The following ZNF831 variants were observed in gnomAD, a reference collection of about 807,000 sequenced individuals.
The protein encoded by ZNF831 is zinc finger protein 831.
A neutral mutation model predicts 95.8 loss-of-function variants in ZNF831; 59 were observed. That is an observed-to-expected ratio of 0.62 (90% CI 0.50 to 0.77). ZNF831 has a LOEUF of 0.77. Ranked by LOEUF, ZNF831 falls within the 30% of genes least tolerant of loss-of-function variation. The pLI is 0.00. For synonymous variants in ZNF831, 961 were observed against 925.5 expected, an observed-to-expected ratio of 1.04 and a Z score of -0.70; for missense variants, 2,205 against 2,164.0, an observed-to-expected ratio of 1.02 and a Z score of -0.38.
chr20:59,201,274 G>T (rs912877669), intron 3 of ZNF831, among the ~76,000 whole-genome samples: 3 of 152,112 alleles, frequency 2.0e-5, no homozygotes, highest in Admixed American at 1.3e-4. Context: ...TTTAGCATTT[G>T]TATATCTTCT....
intron 1 of ZNF831, among the ~76,000 whole-genome samples, chr20:59,129,054 G>A (rs1327279504): frequency 6.6e-6 from 1 of 152,164 alleles, no homozygotes; most frequent in East Asian, 1.9e-4. Flanking sequence ...ATGAGCCACC[G>A]TGCCTGGCCT....
At chr20:59,234,438 C>T (rs1986893723) in intron 4 of ZNF831, among the ~76,000 whole-genome samples, 1 of 152,158 alleles carries the variant, frequency 6.6e-6, no homozygotes, top group Non-Finnish European at 1.5e-5. Context: ...GATAGTTTGT[C>T]CTGACAGTAC....
At chr20:59,223,793 C>A (rs1320827031) in intron 4 of ZNF831, among the ~76,000 whole-genome samples, 5 of 152,218 alleles carry the variant, frequency 3.3e-5, no homozygotes, top group Admixed American at 3.3e-4. Context: ...TAAATAAAAT[C>A]TCTCAATTTT....
chr20:59,205,838 AT>A (rs1171193585), intron 3 of ZNF831, among the ~76,000 whole-genome samples: 3 of 152,178 alleles, frequency 2.0e-5, no homozygotes, highest in African/African-American at 7.2e-5. Context: ...TGCCTATATA[AT>A]GGGGGTGCTA....
intron 2 of ZNF831, among the ~76,000 whole-genome samples, chr20:59,156,033 G>A (rs1052843989): frequency 1.3e-5 from 2 of 152,076 alleles, no homozygotes; most frequent in Non-Finnish European, 2.9e-5. Flanking sequence ...ACCGAAGACT[G>A]AAATTCCCAG....
chr20:59,149,985 C>T (rs1371923512), intron 2 of ZNF831, among the ~76,000 whole-genome samples: 1 of 152,230 alleles, frequency 6.6e-6, no homozygotes, highest in African/African-American at 2.4e-5. Flanking sequence ...CCCGCCTTTT[C>T]CTCTGTGACC....
In ZNF831 at chr20:59,254,384, C is replaced by T. The variant is rs1232795758; in HGVS notation, c.4675C>T (p.Leu1559=). The T allele has an allele frequency of 1.2e-6, 2 of 1,614,176 alleles. No homozygotes were observed. Among genetic ancestry groups the T allele is most frequent in the Admixed American group, 1.7e-5 (1 of 60,016 alleles). The change falls in exon 6 of 6, where the codon CTG becomes TTG. Residue 1559 remains leucine (L), a synonymous_variant. Transcript: ENST00000371030. This position sits in a 1 kb window ranked among gnomAD's most constrained non-coding sequence, Gnocchi z 4.5. ...ACAAAGAATTTCAGATTCGGTTCCA[C>T]TGGAGTCAACTGAAAAAACTCATCT... ...SGQRISDSVP[L]ESTEKTHLEI... is the part of the protein sequence containing the mutation.
At chr20:59,214,551 C>T (rs943681641) in intron 4 of ZNF831, among the ~76,000 whole-genome samples, 1 of 152,200 alleles carries the variant, frequency 6.6e-6, no homozygotes, top group Non-Finnish European at 1.5e-5. Context: ...AAATTCACAG[C>T]AAATCATGTC....
At position 59,142,249 on chromosome 20, in the gene ZNF831, A is replaced by C. The variant is rs560518013; in HGVS notation, c.-1424-3982A>C. ...AGAGCCATGAAGGAGTGAGGCATGAAGGAATCAGTAGACTCCCATGGAAAG... is the reference window on the plus strand; with the variant it reads ...AGAGCCATGAAGGAGTGAGGCATGACGGAATCAGTAGACTCCCATGGAAAG... On this transcript the variant is annotated intron_variant, in intron 1 of 7. Coordinates refer to the ZNF831 transcript ENST00000637017. Among the ~76,000 whole-genome samples, 5 of 152,310 alleles carry C rather than the reference A, an allele frequency of 3.3e-5. No individual in the cohort carries two copies. The South Asian group carries it at 1.0e-3, about 32-fold the overall frequency.
chr20:59,174,733 CA>C (rs141046099), intron 1 of ZNF831, among the ~76,000 whole-genome samples: 16,967 of 150,698 alleles, frequency 0.11, 1,020 homozygotes, highest in African/African-American at 0.12. Flanking sequence ...GTCTCAAAAA[CA>C]AAAAAAACAA....
intron 1 of ZNF831, among the ~76,000 whole-genome samples, chr20:59,177,935 G>A (rs1424316903): frequency 1.3e-5 from 2 of 152,212 alleles, no homozygotes; most frequent in African/African-American, 4.8e-5. Context: ...GTGTGAAGAA[G>A]CGAGGCTGTT....
intron 1 of ZNF831, among the ~76,000 whole-genome samples, chr20:59,125,412 G>T (rs1332284748): frequency 1.3e-5 from 2 of 152,174 alleles, no homozygotes; most frequent in Non-Finnish European, 2.9e-5. Flanking sequence ...TCAGCATGGG[G>T]AGCTTGTGGG....
At chr20:59,229,251 T>C (rs1323185321) in intron 4 of ZNF831, among the ~76,000 whole-genome samples, 1 of 152,092 alleles carries the variant, frequency 6.6e-6, no homozygotes, top group Non-Finnish European at 1.5e-5. Context: ...CTGTTGTGAA[T>C]AGCGTGGCAG....
intron 1 of ZNF831, among the ~76,000 whole-genome samples, chr20:59,188,435 G>A (rs1983235839): frequency 6.6e-6 from 1 of 152,038 alleles, no homozygotes; most frequent in Non-Finnish European, 1.5e-5. Flanking sequence ...CTTTTTATGT[G>A]CTTTTTGGGC....
chr20:59,251,316 C>G (rs1206050621), intron 4 of ZNF831, among the ~76,000 whole-genome samples: 1 of 152,082 alleles, frequency 6.6e-6, no homozygotes, highest in Non-Finnish European at 1.5e-5. Context: ...CTCGGGGATT[C>G]CAGAGAACGA....
chr20:59,219,876 G>A (rs538817850), intron 4 of ZNF831, among the ~76,000 whole-genome samples: 1 of 152,302 alleles, frequency 6.6e-6, no homozygotes, highest in East Asian at 1.9e-4. Context: ...AAGGTGGGAA[G>A]GCAACAATAG....
rs1432206240 is a variant in ZNF831, at chr20:59,205,340, C to T, written c.3876-1565C>T. Among the ~76,000 whole-genome samples, 7 of 152,166 alleles carry T rather than the reference C, an allele frequency of 4.6e-5. No individual in the cohort carries two copies. The South Asian group carries it at 6.2e-4, about 14-fold the overall frequency. ...CTGGCTCAGATAGCTCTTTCAGGAA[C>T]CTGTGTTCTTGACAACTGCTTCAAA... On this transcript the variant is annotated intron_variant, in intron 3 of 5. Transcript: ENST00000371030.
At chr20:59,158,139 G>A (rs1453096603) in intron 2 of ZNF831, among the ~76,000 whole-genome samples, 1 of 152,202 alleles carries the variant, frequency 6.6e-6, no homozygotes, top group Non-Finnish European at 1.5e-5. Context: ...CTCTGGCTTT[G>A]CTTCTGTTCC....
Position 59,194,534 on chromosome 20 carries a change from A to C in ZNF831, c.3515A>C (p.Asn1172Thr), listed in dbSNP as rs1244110955. ...HSTRSPHSTQ[N>T]PFPSLKAEPR... Reference sequence around the variant, plus strand: ...ACCCGCAGTCCCCACAGCACCCAAAACCCCTTTCCCTCACTGAAGGCTGAG... The same window carrying C: ...ACCCGCAGTCCCCACAGCACCCAAACCCCCTTTCCCTCACTGAAGGCTGAG... Residue 1172 changes from asparagine to threonine, a missense_variant, in exon 2 of 6, where the codon AAC becomes ACC. Transcript: ENST00000371030. The C allele has an allele frequency of 6.2e-7, 1 of 1,605,138 alleles. No individual in the cohort carries two copies. Among genetic ancestry groups the C allele is most frequent in the Admixed American group, 1.7e-5 (1 of 59,170 alleles).
Sources: allele counts gnomAD v4.1 joint callset (sites outside exome capture counted in the v4.1 genomes callset), GRCh38; gene constraint gnomAD v4.1.1; non-coding constraint Gnocchi (gnomAD v3.1); transcripts MANE v1.5; gene names NCBI Gene and HGNC (gene_info 2026-07-23, HGNC 2026-07-21).